ZNF655: variants seen among roughly 807,000 people sequenced by gnomAD.
ZNF655 encodes Vav-interacting Kruppel-like protein 1.
A neutral mutation model predicts 6.6 loss-of-function variants in ZNF655; 3 were observed. That is an observed-to-expected ratio of 0.46 (90% confidence interval 0.21 to 1.18). The LOEUF is 1.18. ZNF655 is among the 50% of genes most tolerant of loss of function. ZNF655 has a pLI of 0.24. For missense variants in ZNF655, 526 were observed against 572.3 expected, an observed-to-expected ratio of 0.92 and a Z score of 0.83; for synonymous variants, 178 against 195.0, an observed-to-expected ratio of 0.91 and a Z score of 0.73.
chr7:99,568,921 A>G (rs36104094), intron 2 of ZNF655, among the ~76,000 whole-genome samples: 19,934 of 152,122 alleles, frequency 0.13, 1,761 homozygotes, highest in African/African-American at 0.24. Flanking sequence ...AGTAGCTGGG[A>G]CTACAGGCGT....
chr7:99,562,342 A>G, intron 2 of ZNF655: 7 of 1,612,836 alleles, frequency 4.3e-6, no homozygotes, highest in Non-Finnish European at 5.9e-6. Flanking sequence ...CTCATTCCTC[A>G]GAGCAGCCAG....
chr7:99,571,259 G>C (rs1174605370), intron 2 of ZNF655: 1 of 1,289,120 alleles, frequency 7.8e-7, no homozygotes, highest in Non-Finnish European at 1.0e-6. Context: ...TCTTGCTACA[G>C]GTTAGCTAAC....
chr7:99,562,044 C>A, intron 2 of ZNF655: 1 of 1,333,688 alleles, frequency 7.5e-7, no homozygotes, highest in Non-Finnish European at 1.0e-6. Context: ...CTCTCTCATC[C>A]CATCTGTAGA....
chr7:99,560,824 AAG>A, intron 2 of ZNF655, 129 bp downstream of exon 2: 3 of 1,180,946 alleles, frequency 2.5e-6, no homozygotes, highest in Non-Finnish European at 3.6e-6. Flanking sequence ...GGAGGAATGA[AAG>A]AGGGGGCAGA....
rs1187793872 is a variant in ZNF655 at position 99,563,104 on chromosome 7, A to G, written c.136+2409A>G. ...ATGGTAATCCCACGTAACCACACCC[A>G]GGGCAGCAGAAATCTCAGATGTTTA... On this transcript the variant is annotated intron_variant, in intron 2 of 2. Coordinates refer to ENST00000252713, the MANE Select transcript of ZNF655 (RefSeq NM_138494.3). The G allele has an allele frequency of 9.4e-6, 4 of 424,672 alleles. No homozygotes were observed. In the East Asian group the frequency reaches 3.3e-4, roughly 35 times the overall value. The allele number at this position is 424,672 out of a possible 1,614,324, so 26.3% of individuals were successfully genotyped here. A position where few individuals can be genotyped will look rare whatever the true frequency, so the allele number is the denominator to read the frequency against.
intron 2 of ZNF655, chr7:99,563,145 G>A (rs1284624246): frequency 2.2e-6 from 1 of 450,604 alleles, no homozygotes; most frequent in Admixed American, 2.4e-5. Flanking sequence ...TGCTGAGGTG[G>A]GGTCAATGCT....
At position 99,573,020 on chromosome 7, in the gene ZNF655, A is replaced by G. The variant is rs779274774; in HGVS notation, c.912A>G (p.Lys304=). 12 of 1,614,072 alleles carry G rather than the reference A, an allele frequency of 7.4e-6. No homozygotes were observed. The highest frequency in any genetic ancestry group is 1.7e-5 in the Admixed American group (1 of 60,008). The stretch of plus-strand genomic sequence containing the variant: ...TTCACACCAGAGCCAAATCTTACAA[A>G]TGTAGCAGTTGTGAAAGAGTCTTCA... ...KKIHTRAKSY[K]CSSCERVFSR... The change falls in exon 3 of 3, where the codon AAA becomes AAG. Residue 304 remains lysine, a synonymous_variant. Transcript: ENST00000252713.
Position 99,562,413 on chromosome 7 carries a change from G to A in ZNF655, c.136+1718G>A, listed in dbSNP as rs1803264160. On this transcript the variant is annotated intron_variant, in intron 2 of 2. Transcript: ENST00000252713. The stretch of plus-strand genomic sequence containing the variant: ...TGTGGCTGTGCACCTTACTCGAGAG[G>A]AATGGGGATACCTGGACCCTGTTCA... 5 of 1,614,178 alleles carry A rather than the reference G, an allele frequency of 3.1e-6. No homozygotes were observed. In the East Asian group the frequency reaches 1.1e-4, roughly 36 times the overall value.
intron 1 of ZNF655, among the ~76,000 whole-genome samples, chr7:99,560,080 TTTTTTTTC>T (rs1802985562): frequency 6.7e-6 from 1 of 149,286 alleles, no homozygotes; most frequent in African/African-American, 2.5e-5. Flanking sequence ...TTTCTTTTTC[TTTTTTTTC>T]TTTTTTTTTT....
intron 2 of ZNF655, among the ~76,000 whole-genome samples, chr7:99,568,330 A>C (rs1266325269): frequency 6.8e-6 from 1 of 147,028 alleles, no homozygotes; most frequent in Non-Finnish European, 1.5e-5. Context: ...GGCTCACTGC[A>C]ACCTCTGCCT....
At chr7:99,559,626 A>G (rs1402962694) in intron 1 of ZNF655, among the ~76,000 whole-genome samples, 2 of 151,994 alleles carry the variant, frequency 1.3e-5, no homozygotes, top group Admixed American at 6.6e-5. Flanking sequence ...TAAATTTTAA[A>G]TATTTTGTTT....
Position 99,572,229 on chromosome 7 carries a change from TTA to T in ZNF655, c.137-10_137-9del. On this transcript the variant is annotated splice_polypyrimidine_tract_variant and intron_variant, in intron 2 of 2. Transcript: ENST00000252713. ...TACAGATTACATTTGCATTTTCTAT[TTA>T]TATATTGTATCAGATGGAGAGACCA... The T allele has an allele frequency of 6.4e-7, 1 of 1,557,072 alleles. No homozygotes were observed.
intron 2 of ZNF655, among the ~76,000 whole-genome samples, chr7:99,563,493 T>C (rs951230284): frequency 2.0e-5 from 3 of 152,022 alleles, no homozygotes; most frequent in Admixed American, 6.6e-5. Flanking sequence ...TAATTTTGTA[T>C]TTTTAGTAGA....
chr7:99,571,354 G>C, intron 2 of ZNF655: 2 of 1,257,980 alleles, frequency 1.6e-6, no homozygotes, highest in Non-Finnish European at 1.0e-6. Context: ...TTGTAGACCA[G>C]ATCTAATCCG....
chr7:99,567,746 T>C (rs1165579613), intron 2 of ZNF655, among the ~76,000 whole-genome samples: 2 of 152,006 alleles, frequency 1.3e-5, no homozygotes, highest in Admixed American at 1.3e-4. Flanking sequence ...GGGTACAGGA[T>C]TGAATTAGAT....
intron 2 of ZNF655, among the ~76,000 whole-genome samples, chr7:99,566,014 CAT>C (rs1803598554): frequency 7.1e-6 from 1 of 141,482 alleles, no homozygotes; most frequent in Non-Finnish European, 1.5e-5. Flanking sequence ...AGACATAGGA[CAT>C]TTATATGTGT....
At chr7:99,561,921 G>A (rs754447059) in intron 2 of ZNF655, 31 of 1,594,000 alleles carry the variant, frequency 1.9e-5, no homozygotes, top group Middle Eastern at 3.3e-4. Context: ...GCTCTTCCCC[G>A]TGAGGGAAGC....
rs1353061356 is a variant in ZNF655 at position 99,573,382 on chromosome 7, A to G, written c.1274A>G (p.Gln425Arg). The change falls in exon 3 of 3, where the codon CAG becomes CGG. Residue 425 changes from glutamine (Q) to arginine (R), a missense_variant. Physicochemically the swap from Gln to Arg is conservative, Grantham distance 43. Coordinates refer to ENST00000252713, the MANE Select transcript of ZNF655 (RefSeq NM_138494.3). ...KAFSQTSCLI[Q>R]HHKMHRKEKS... is the part of the protein sequence containing the mutation. ...TTCAGTCAAACCTCATGCCTTATTC[A>G]GCATCACAAAATGCATAGGAAAGAG... The G allele has an allele frequency of 3.1e-6, 5 of 1,614,106 alleles. No homozygotes were observed. The highest frequency in any genetic ancestry group is 1.1e-5 in the South Asian group (1 of 91,094).
intron 2 of ZNF655, among the ~76,000 whole-genome samples, chr7:99,566,368 C>A (rs565223488): frequency 2.6e-5 from 4 of 152,194 alleles, no homozygotes; most frequent in African/African-American, 9.6e-5. Context: ...AGTTTGGGAC[C>A]AGAAAGGACA....
Sources: gnomAD v4.1 joint callset for allele counts (sites outside exome capture counted in the v4.1 genomes callset) on GRCh38, gnomAD v4.1.1 for gene constraint, MANE v1.5 for transcripts, NCBI Gene and HGNC (gene_info 2026-07-23, HGNC 2026-07-21) for gene names.